Variants in ZNF714 observed in about 807,000 individuals in gnomAD.
ZNF714 encodes zinc finger protein 714.
A neutral mutation model predicts 46.2 loss-of-function variants in ZNF714; 32 were observed. The ratio of observed to expected loss-of-function variants is 0.69; its 90% CI spans 0.52 to 0.93. The LOEUF is 0.93. Among genes scored for constraint, ZNF714 ranks in the 40% least tolerant of loss-of-function variants. The pLI, the probability that ZNF714 is intolerant of heterozygous loss-of-function variation, is 0.00. For synonymous variants in ZNF714, 199 were observed against 213.1 expected (o/e 0.93, Z 0.58); for missense variants, 635 against 646.3 (o/e 0.98, Z 0.19).
chr19:21,090,252 G>C (rs1266340523), intron 2 of ZNF714, among the ~76,000 whole-genome samples: 1 of 152,170 alleles, frequency 6.6e-6, no homozygotes, highest in Non-Finnish European at 1.5e-5. Flanking sequence ...GTTGGGGAAG[G>C]CAAAGAGCTC....
At chr19:21,088,497 T>A (rs1968836381) in intron 2 of ZNF714, among the ~76,000 whole-genome samples, 1 of 152,326 alleles carries the variant, frequency 6.6e-6, no homozygotes, top group Non-Finnish European at 1.5e-5. Context: ...CTTAAAGTAT[T>A]TGGCAAATCT....
At chr19:21,091,741 A>G (rs1968914536) in intron 2 of ZNF714, 1 of 151,654 alleles carries the variant, frequency 6.6e-6, no homozygotes, top group East Asian at 1.9e-4. Flanking sequence ...ACTTTTTATA[A>G]TAAACTAGTA....
intron 1 of ZNF714, among the ~76,000 whole-genome samples, chr19:21,083,131 G>A (rs1404841060): frequency 1.3e-5 from 2 of 151,834 alleles, no homozygotes; most frequent in African/African-American, 2.4e-5. Context: ...TCTGCCTCCC[G>A]GGTTCAAGCG....
At chr19:21,110,376 G>C (rs1316093202) in intron 4 of ZNF714, among the ~76,000 whole-genome samples, 1 of 151,764 alleles carries the variant, frequency 6.6e-6, no homozygotes. Context: ...ATGTTTTATT[G>C]GCCACATAAA....
At chr19:21,104,742 A>G (rs966775329) in intron 4 of ZNF714, among the ~76,000 whole-genome samples, 44 of 151,530 alleles carry the variant, frequency 2.9e-4, no homozygotes, top group Admixed American at 2.7e-3. Flanking sequence ...CCTCCCGAGT[A>G]GCTGAGATTA....
At chr19:21,088,575 T>A (rs1599528199) in intron 2 of ZNF714, among the ~76,000 whole-genome samples, 1 of 152,344 alleles carries the variant, frequency 6.6e-6, no homozygotes, top group African/African-American at 2.4e-5. Context: ...TTCCCAATGA[T>A]CTTTAAAACT....
At chr19:21,087,480 T>C (rs772606585) in intron 2 of ZNF714, among the ~76,000 whole-genome samples, 2 of 152,192 alleles carry the variant, frequency 1.3e-5, no homozygotes, top group Admixed American at 6.5e-5. Context: ...TTTACTATTA[T>C]ATTTGTGTAT....
chr19:21,101,372 C>A (rs577900669), intron 4 of ZNF714, among the ~76,000 whole-genome samples: 19 of 152,306 alleles, frequency 1.2e-4, no homozygotes, highest in Non-Finnish European at 2.4e-4. Context: ...TCTGCACTAG[C>A]ATCCACCTTT....
At chr19:21,112,713 A>G (rs570339476) in intron 4 of ZNF714, among the ~76,000 whole-genome samples, 1 of 146,682 alleles carries the variant, frequency 6.8e-6, no homozygotes, top group African/African-American at 2.5e-5. Context: ...TTGGGTATTT[A>G]GTGCTATAAA....
intron 2 of ZNF714, among the ~76,000 whole-genome samples, chr19:21,093,990 T>G (rs1478559083): frequency 6.6e-6 from 1 of 152,164 alleles, no homozygotes; most frequent in Non-Finnish European, 1.5e-5. Context: ...TGTTCCATGT[T>G]TTTGTTTTTT....
In ZNF714 at chr19:21,120,835, ATT is replaced by A. The variant is rs1969691475; in HGVS notation, c.*2506_*2507del. 2 of 152,156 alleles carry A rather than the reference ATT, an allele frequency of 1.3e-5. No homozygotes were observed. The highest frequency in any genetic ancestry group is 4.8e-5 in the African/African-American group (2 of 41,516). 9.4% of individuals were successfully genotyped at this position (152,156 alleles called of 1,614,324 possible). On this transcript the variant is annotated 3_prime_UTR_variant, in exon 5 of 5. Coordinates refer to ENST00000456283, the MANE Select transcript of ZNF714 (RefSeq NM_182515.4). ...TATTGTTTCTGTAGGTTAAATTTTT[ATT>A]TTGTTTTTAATCATTTAAATTTAAT...
At chr19:21,088,962 T>C (rs1371681122) in intron 2 of ZNF714, among the ~76,000 whole-genome samples, 4 of 152,154 alleles carry the variant, frequency 2.6e-5, no homozygotes, top group Non-Finnish European at 5.9e-5. Context: ...CCTCCATACT[T>C]CCTAAGTGGT....
rs1461854550 is a variant in ZNF714 at position 21,124,551 on chromosome 19, GTATA to G, written c.*6224_*6227del. On this transcript the variant is annotated 3_prime_UTR_variant, in exon 5 of 5. Coordinates refer to ENST00000456283, the MANE Select transcript of ZNF714 (RefSeq NM_182515.4). Reference sequence around the variant, plus strand: ...CTTTTTCTGTAGAACATATTTTGAAGTATATATACATTGTTATTATTTCTAGGTA... The same window carrying G: ...CTTTTTCTGTAGAACATATTTTGAAGTATACATTGTTATTATTTCTAGGTA... Among the ~76,000 whole-genome samples, 1 of 152,162 alleles carries G rather than the reference GTATA, an allele frequency of 6.6e-6. No homozygotes were observed. Among genetic ancestry groups the G allele is most frequent in the Non-Finnish European group, 1.5e-5 (1 of 68,032 alleles).
rs1194777228 is a variant in ZNF714 at position 21,121,876 on chromosome 19, T to C, written c.*3544T>C. On this transcript the variant is annotated 3_prime_UTR_variant, in exon 5 of 5. Transcript: ENST00000456283. ...TGTTTCTTACATTTTTTTTGTTTTA[T>C]GGTTTAGGAAGTATTCATTATATGA... The C allele has an allele frequency of 6.6e-6, 1 of 152,198 alleles. No individual in the cohort carries two copies. Among genetic ancestry groups the C allele is most frequent in the East Asian group, 1.9e-4 (1 of 5,208 alleles). 9.4% of individuals were successfully genotyped at this position (152,198 alleles called of 1,614,324 possible). A position where few individuals can be genotyped will look rare whatever the true frequency, so the allele number is the denominator to read the frequency against.
intron 4 of ZNF714, among the ~76,000 whole-genome samples, chr19:21,103,592 T>C (rs1969239694): frequency 6.6e-6 from 1 of 151,892 alleles, no homozygotes; most frequent in Admixed American, 6.6e-5. Context: ...CATATTAAAA[T>C]TTAGCATCTT....
At chr19:21,104,330 G>GTACAATAAACATCCAT (rs1969261022) in intron 4 of ZNF714, among the ~76,000 whole-genome samples, 1 of 152,100 alleles carries the variant, frequency 6.6e-6, no homozygotes, top group South Asian at 2.1e-4. Context: ...GTGAATACTG[G>GTACAATAAACATCCAT]TACAATAAAC....
Position 21,083,997 on chromosome 19 carries a change from T to C in ZNF714, c.-157T>C, listed in dbSNP as rs1380999651. On this transcript the variant is annotated 5_prime_UTR_variant, in exon 2 of 5. Coordinates refer to ENST00000456283, the MANE Select transcript of ZNF714 (RefSeq NM_182515.4). ...CCATAGGGCGACCTGAGGTCTGGAGTGTATCCTCTCAAGGGAGCAAGTGGA... is the reference window on the plus strand; with the variant it reads ...CCATAGGGCGACCTGAGGTCTGGAGCGTATCCTCTCAAGGGAGCAAGTGGA... 2.0e-5 allele frequency: 26 copies of C among 1,286,778 alleles called. No homozygotes were observed. Among genetic ancestry groups the C allele is most frequent in the Non-Finnish European group, 2.4e-5 (24 of 989,460 alleles). 79.7% of individuals were successfully genotyped at this position (1,286,778 alleles called of 1,614,324 possible).
intron 4 of ZNF714, among the ~76,000 whole-genome samples, chr19:21,112,485 C>G (rs1969468737): frequency 6.7e-6 from 1 of 149,996 alleles, no homozygotes; most frequent in Non-Finnish European, 1.5e-5. Context: ...CTCTTTATAG[C>G]TAGTGTCTAT....
intron 4 of ZNF714, among the ~76,000 whole-genome samples, chr19:21,110,040 G>T (rs755037166): frequency 6.6e-6 from 1 of 152,068 alleles, no homozygotes; most frequent in East Asian, 1.9e-4. Context: ...ATTGTGAATT[G>T]TGCTGCAGTG....
Sources: allele counts gnomAD v4.1 joint callset (sites outside exome capture counted in the v4.1 genomes callset), GRCh38; gene constraint gnomAD v4.1.1; transcripts MANE v1.5; gene names NCBI Gene and HGNC (gene_info 2026-07-23, HGNC 2026-07-21).